Variants in TAMALIN observed in about 807,000 individuals in gnomAD.
TAMALIN encodes the protein trafficking regulator and scaffold protein tamalin.
TAMALIN carries 9 observed loss-of-function variants against 38.5 expected under a neutral mutation model. That is an observed-to-expected ratio of 0.23 (90% CI 0.14 to 0.41). The LOEUF is 0.41. Ranked by LOEUF, TAMALIN falls within the 10% of genes least tolerant of loss-of-function variation. The pLI is 1.00. For synonymous variants in TAMALIN, 306 were observed against 256.5 expected (o/e 1.19, Z -1.85); for missense variants, 548 against 554.1 (o/e 0.99, Z 0.11).
At chr12:52,012,951 G>A (rs1937689390) in intron 4 of TAMALIN, among the ~76,000 whole-genome samples, 1 of 152,198 alleles carries the variant, frequency 6.6e-6, no homozygotes, top group Non-Finnish European at 1.5e-5. Flanking sequence ...GTTCCCAGCT[G>A]GGTGCTGCTC....
At position 52,006,985 on chromosome 12, in the gene TAMALIN, A is replaced by C. The variant is rs1396975534; in HGVS notation, c.-35A>C. 24 of 1,192,236 alleles carry C rather than the reference A, an allele frequency of 2.0e-5. No individual in the cohort carries two copies. Among genetic ancestry groups the C allele is most frequent in the Non-Finnish European group, 2.4e-5 (23 of 956,910 alleles). The allele number at this position is 1,192,236 out of a possible 1,614,324, so 73.9% of individuals were successfully genotyped here. On this transcript the variant is annotated 5_prime_UTR_variant, in exon 1 of 8. Coordinates refer to ENST00000293662, the MANE Select transcript of TAMALIN (RefSeq NM_181711.4). The stretch of plus-strand genomic sequence containing the variant: ...GCCGCCAGCCCCGCCGAGGGGAGCC[A>C]GCGCCGTCTCTGAGGGGCGTCCGGC...
intron 4 of TAMALIN, among the ~76,000 whole-genome samples, chr12:52,012,962 A>T (rs532747484): frequency 6.6e-6 from 1 of 152,024 alleles, no homozygotes; most frequent in Admixed American, 6.5e-5. Flanking sequence ...GGTGCTGCTC[A>T]CCTGCTCTTC....
chr12:52,009,322 T>G, intron 2 of TAMALIN, 83 bp downstream of exon 2: 2 of 1,327,312 alleles, frequency 1.5e-6, no homozygotes. Flanking sequence ...CATCTCAGCC[T>G]AGCGAGGGTA....
Position 52,015,259 on chromosome 12 carries a change from G to A in TAMALIN, c.*60G>A, listed in dbSNP as rs1210805760. On this transcript the variant is annotated 3_prime_UTR_variant, in exon 8 of 8. Coordinates refer to ENST00000293662, the MANE Select transcript of TAMALIN (RefSeq NM_181711.4). ...ATTCGCAACAGCCAGCGCTAAAAGA[G>A]GGGGAGGCCGAGCCAAGAGGACCCC... 6.7e-7 allele frequency: 1 copy of A among 1,492,108 alleles called. No homozygotes were observed. Among genetic ancestry groups the A allele is most frequent in the African/African-American group, 1.4e-5 (1 of 69,078 alleles). The allele number at this position is 1,492,108 out of a possible 1,614,324, so 92.4% of individuals were successfully genotyped here.
At position 52,011,465 on chromosome 12, in the gene TAMALIN, C is replaced by T; in HGVS notation, c.454+324C>T. On this transcript the variant is annotated intron_variant, in intron 4 of 7. Transcript: ENST00000293662. This position sits in a 1 kb window ranked among gnomAD's most constrained non-coding sequence, Gnocchi z 5.3. ...GCTGCTCTGATTCCTCCCAGCAACC[C>T]TGGCAGTCAGCATGGGCAGGAGCCA... The T allele has an allele frequency of 1.7e-6, 1 of 573,680 alleles. No individual in the cohort carries two copies. The highest frequency in any genetic ancestry group is 3.1e-6 in the Non-Finnish European group (1 of 320,770). 35.5% of individuals were successfully genotyped at this position (573,680 alleles called of 1,614,324 possible).
chr12:52,007,178 C>A lies in TAMALIN; in HGVS notation c.159C>A (p.Asp53Glu). ...AAAATPGPPA[D>E]ELYAALEDYH... Reference sequence around the variant, plus strand: ...CCGCCACCCCTGGGCCCCCAGCGGACGAGCTGTACGCGGCGCTGGAGGACT... The same window carrying A: ...CCGCCACCCCTGGGCCCCCAGCGGAAGAGCTGTACGCGGCGCTGGAGGACT... The change falls in exon 1 of 8, where the codon GAC becomes GAA. Residue 53 changes from aspartate (D) to glutamate (E), a missense_variant. Physicochemically the swap from Asp to Glu is conservative, Grantham distance 45. Transcript: ENST00000293662. The surrounding 1 kb of genome is among the most constrained non-coding windows in gnomAD (Gnocchi z 6.7). 3 of 1,509,360 alleles carry A rather than the reference C, an allele frequency of 2.0e-6. No individual in the cohort carries two copies. The highest frequency in any genetic ancestry group is 2.6e-6 in the Non-Finnish European group (3 of 1,139,480). 93.5% of individuals were successfully genotyped at this position (1,509,360 alleles called of 1,614,324 possible). A position where few individuals can be genotyped will look rare whatever the true frequency, so the allele number is the denominator to read the frequency against.
intron 1 of TAMALIN, chr12:52,008,476 G>A: frequency 1.0e-6 from 1 of 975,204 alleles, no homozygotes; most frequent in African/African-American, 1.8e-5. Context: ...TGACAAGTTT[G>A]ACATCTAAGA....
At position 52,014,768 on chromosome 12, in the gene TAMALIN, C is replaced by G; in HGVS notation, c.757C>G (p.Leu253Val). Residue 253 changes from leucine to valine, a missense_variant, in exon 8 of 8, where the codon CTC becomes GTC. Transcript: ENST00000293662. ...CTCCTGCCTCTACGGCGCGGGCCTG[C>G]TCCCGGGCTCGCTGCCCTTCGGGCC... ...VRSCLYGAGLLPGSLPFGPLL... is the reference protein window; with the variant it reads ...VRSCLYGAGLVPGSLPFGPLL... 1 of 1,482,580 alleles carries G rather than the reference C, an allele frequency of 6.7e-7. No individual in the cohort carries two copies. Among genetic ancestry groups the G allele is most frequent in the Non-Finnish European group, 8.9e-7 (1 of 1,126,206 alleles). 91.8% of individuals were successfully genotyped at this position (1,482,580 alleles called of 1,614,324 possible). A position where few individuals can be genotyped will look rare whatever the true frequency, so the allele number is the denominator to read the frequency against.
chr12:52,011,058 G>T lies in TAMALIN; in HGVS notation c.371G>T (p.Arg124Leu). ...FEIQTYGLHH[R>L]EEQRVEMVTF... Reference sequence around the variant, plus strand: ...TTACAGACTTATGGCCTTCACCACCGGGAGGAGCAGCGTGTGGAAATGGTG... The same window carrying T: ...TTACAGACTTATGGCCTTCACCACCTGGAGGAGCAGCGTGTGGAAATGGTG... Residue 124 changes from arginine (R) to leucine (L), a missense_variant, in exon 4 of 8, where the codon CGG becomes CTG. Coordinates refer to ENST00000293662, the MANE Select transcript of TAMALIN (RefSeq NM_181711.4). The surrounding 1 kb of genome is among the most constrained non-coding windows in gnomAD (Gnocchi z 5.3). The T allele has an allele frequency of 6.2e-7, 1 of 1,613,382 alleles. No homozygotes were observed. Among genetic ancestry groups the T allele is most frequent in the Non-Finnish European group, 8.5e-7 (1 of 1,180,014 alleles).
rs771353097 is a variant in TAMALIN at position 52,013,703 on chromosome 12, C to T, written c.471C>T (p.Ser157=). ...AGLTPGDTIA[S]VNGLNVEGIR... is the part of the protein sequence containing the mutation. ...GCCTGGCAGGGGACACCATCGCCAG[C>T]GTCAATGGCCTGAATGTGGAAGGCA... Residue 157 remains serine, a synonymous_variant, in exon 5 of 8, where the codon AGC becomes AGT. Coordinates refer to ENST00000293662, the MANE Select transcript of TAMALIN (RefSeq NM_181711.4). 15 of 1,613,926 alleles carry T rather than the reference C, an allele frequency of 9.3e-6. No homozygotes were observed. Among genetic ancestry groups the T allele is most frequent in the African/African-American group, 1.3e-5 (1 of 74,902 alleles).
intron 2 of TAMALIN, among the ~76,000 whole-genome samples, chr12:52,010,067 A>G (rs1056206833): frequency 5.3e-5 from 8 of 152,172 alleles, no homozygotes; most frequent in Admixed American, 3.3e-4. Context: ...CCCTGCCCCA[A>G]TAGTACAGAG....
chr12:52,008,252 G>A (rs1292737127), intron 1 of TAMALIN: 1 of 985,288 alleles, frequency 1.0e-6, no homozygotes, highest in African/African-American at 1.7e-5. Flanking sequence ...CAAAGGCACA[G>A]AACAGAAAGG....
At position 52,014,817 on chromosome 12, in the gene TAMALIN, C is replaced by T. The variant is rs1172100300; in HGVS notation, c.806C>T (p.Pro269Leu). ...FGPLLAVPGRPRGGARRARGD... is the reference protein window; with the variant it reads ...FGPLLAVPGRLRGGARRARGD... ...CCTCTGCTCGCCGTGCCCGGGCGTC[C>T]CCGCGGAGGCGCCCGACGGGCCAGG... The change falls in exon 8 of 8, where the codon CCC (proline) becomes CTC (leucine). Residue 269 changes from proline (P) to leucine (L), a missense_variant. Physicochemically the swap from Pro to Leu is moderately conservative, Grantham distance 98. This residue lies in a region of TAMALIN where 415 missense variants were observed against 417.0 expected (regional missense o/e 1.00). Transcript: ENST00000293662. The T allele has an allele frequency of 1.5e-6, 2 of 1,330,386 alleles. No homozygotes were observed. Among genetic ancestry groups the T allele is most frequent in the Non-Finnish European group, 1.9e-6 (2 of 1,043,214 alleles). The allele number at this position is 1,330,386 out of a possible 1,614,324, so 82.4% of individuals were successfully genotyped here. A position where few individuals can be genotyped will look rare whatever the true frequency, so the allele number is the denominator to read the frequency against.
chr12:52,011,205 G>A lies in TAMALIN; in HGVS notation c.454+64G>A. On this transcript the variant is annotated intron_variant, in intron 4 of 7. Coordinates refer to ENST00000293662, the MANE Select transcript of TAMALIN (RefSeq NM_181711.4). The surrounding 1 kb of genome is among the most constrained non-coding windows in gnomAD (Gnocchi z 5.3). ...GATATGACCTTACTCCCAAGCAAAG[G>A]GGGTGAGCAATCTCTCCTGAAATCA... is the stretch of plus-strand genomic sequence containing the variant. The A allele has an allele frequency of 6.2e-7, 1 of 1,601,154 alleles. No individual in the cohort carries two copies. Among genetic ancestry groups the A allele is most frequent in the Non-Finnish European group, 8.5e-7 (1 of 1,179,370 alleles).
At chr12:52,008,051 A>G (rs1942444368) in intron 1 of TAMALIN, 1 of 985,346 alleles carries the variant, frequency 1.0e-6, no homozygotes, top group South Asian at 4.7e-5. Context: ...CCCGGCCCCC[A>G]GCTAGCCCCC....
Position 52,013,791 on chromosome 12 carries a change from G to T in TAMALIN, c.548+11G>T. 1 of 1,613,684 alleles carries T rather than the reference G, an allele frequency of 6.2e-7. No homozygotes were observed. Among genetic ancestry groups the T allele is most frequent in the Non-Finnish European group, 8.5e-7 (1 of 1,179,582 alleles). ...AGGCAATGTTCTCAGGTATGTCTGG[G>T]AGCCGAGGTGCCTGAATTCCTGAGC... On this transcript the variant is annotated intron_variant, in intron 5 of 7. Coordinates refer to ENST00000293662, the MANE Select transcript of TAMALIN (RefSeq NM_181711.4).
chr12:52,008,332 T>C, intron 1 of TAMALIN: 1 of 985,214 alleles, frequency 1.0e-6, no homozygotes, highest in Non-Finnish European at 1.2e-6. Context: ...ACCAAAAAGT[T>C]AGGGAGGGTG....
chr12:52,010,087 G>C (rs760410093), intron 2 of TAMALIN, among the ~76,000 whole-genome samples: 2 of 152,190 alleles, frequency 1.3e-5, no homozygotes, highest in Non-Finnish European at 2.9e-5. Flanking sequence ...GAGGGGAAAG[G>C]CCTGCTGTTC....
chr12:52,011,223 T>G lies in TAMALIN; in HGVS notation c.454+82T>G, dbSNP rs1249929948. On this transcript the variant is annotated intron_variant, in intron 4 of 7. Transcript: ENST00000293662. This position sits in a 1 kb window ranked among gnomAD's most constrained non-coding sequence, Gnocchi z 5.3. ...AGCAAAGGGGGTGAGCAATCTCTCC[T>G]GAAATCAATTCCTCTTCCTTTTCCT... The G allele has an allele frequency of 6.3e-7, 1 of 1,593,798 alleles. No individual in the cohort carries two copies. Among genetic ancestry groups the G allele is most frequent in the Non-Finnish European group, 8.5e-7 (1 of 1,175,870 alleles).
Sources: gnomAD v4.1 joint callset for allele counts (sites outside exome capture counted in the v4.1 genomes callset) on GRCh38, gnomAD v4.1.1 for gene constraint, gnomAD v4.1.1 regional missense constraint, Gnocchi (gnomAD v3.1) non-coding constraint, MANE v1.5 for transcripts, NCBI Gene and HGNC (gene_info 2026-07-23, HGNC 2026-07-21) for gene names.